The following ILRUN variants were observed in gnomAD, a reference collection of about 807,000 sequenced individuals.
ILRUN encodes inflammation and lipid regulator with UBA-like and NBR1-like domains.
A neutral mutation model predicts 33.8 loss-of-function variants in ILRUN; 3 were observed. The observed-to-expected ratio is 0.09, with a 90% CI of 0.04 to 0.23. ILRUN has a LOEUF of 0.23. Among genes scored for constraint, ILRUN ranks in the 10% least tolerant of loss-of-function variants. ILRUN has a pLI of 1.00. For synonymous variants in ILRUN, 124 were observed against 138.9 expected (o/e 0.89, Z 0.75); for missense variants, 210 against 375.1 (o/e 0.56, Z 3.64).
chr6:34,672,109 CT>C (rs947552266), intron 1 of ILRUN, among the ~76,000 whole-genome samples: 115 of 146,598 alleles, frequency 7.8e-4, no homozygotes, highest in South Asian at 4.5e-3. Flanking sequence ...CTTCCACCCC[CT>C]TTTTTTTTTT....
intron 3 of ILRUN, among the ~76,000 whole-genome samples, chr6:34,630,089 G>A (rs1024989148): frequency 6.6e-6 from 1 of 152,022 alleles, no homozygotes; most frequent in Admixed American, 6.6e-5. Flanking sequence ...GGGTTACTTC[G>A]ACACAAGCAC....
chr6:34,598,905 T>A (rs1484197689), intron 4 of ILRUN, among the ~76,000 whole-genome samples: 2 of 152,196 alleles, frequency 1.3e-5, no homozygotes, highest in Non-Finnish European at 2.9e-5. Context: ...AAGCCCAGAG[T>A]ATCCTGGCAA....
Position 34,587,837 on chromosome 6 carries a change from T to C in ILRUN, c.*2728A>G. ...ACCTCACTCCATGCACACTGACAGA[T>C]TCTTCCCAAGTCTGAACCCCTCTGT... On this transcript the variant is annotated 3_prime_UTR_variant, in exon 5 of 5. Transcript: ENST00000374023. The C allele has an allele frequency of 7.7e-6, 3 of 388,636 alleles. No homozygotes were observed. The highest frequency in any genetic ancestry group is 1.4e-5 in the Non-Finnish European group (3 of 220,078). The allele number at this position is 388,636 out of a possible 1,614,324, so 24.1% of individuals were successfully genotyped here. A position where few individuals can be genotyped will look rare whatever the true frequency, so the allele number is the denominator to read the frequency against.
intron 4 of ILRUN, among the ~76,000 whole-genome samples, chr6:34,599,158 C>G (rs1761459587): frequency 6.6e-6 from 1 of 152,210 alleles, no homozygotes; most frequent in African/African-American, 2.4e-5. Context: ...CCCTGGGTTC[C>G]AGCCTGCAGC....
chr6:34,624,559 C>T (rs551602306), intron 3 of ILRUN, among the ~76,000 whole-genome samples: 1 of 152,020 alleles, frequency 6.6e-6, no homozygotes, highest in East Asian at 1.9e-4. Context: ...ATCTCGAACT[C>T]CTGACCTCAG....
At position 34,688,991 on chromosome 6, in the gene ILRUN, T is replaced by A. The variant is rs181830790; in HGVS notation, c.158+7455A>T. Among the ~76,000 whole-genome samples the A allele has an allele frequency of 2.1e-3, 309 of 149,032 alleles. 1 individual carries two copies. The highest frequency in any genetic ancestry group is 7.2e-3 in the African/African-American group (290 of 40,470). ...AAGAAAAGAAAATATCCAGAATAGG[T>A]ACATACATAGAGACAGAACTCAGAC... On this transcript the variant is annotated intron_variant, in intron 1 of 4. Coordinates refer to ENST00000374023, the MANE Select transcript of ILRUN (RefSeq NM_024294.4).
chr6:34,649,671 C>CAG (rs1439084950), intron 2 of ILRUN, among the ~76,000 whole-genome samples: 1 of 152,150 alleles, frequency 6.6e-6, no homozygotes, highest in African/African-American at 2.4e-5. Flanking sequence ...AGTCTGGAGA[C>CAG]AGTAAGGAAT....
intron 1 of ILRUN, among the ~76,000 whole-genome samples, chr6:34,683,491 T>TATATATACATATATATATACATAG (rs1763443250): frequency 1.1e-5 from 1 of 92,926 alleles, no homozygotes; most frequent in Non-Finnish European, 1.9e-5. Flanking sequence ...TATATACATA[T>TATATATACATATATATATACATAG]ATATATACAT....
chr6:34,592,721 T>G lies in ILRUN; in HGVS notation c.862-2121A>C, dbSNP rs921874460. Among the ~76,000 whole-genome samples, 3 of 152,188 alleles carry G rather than the reference T, an allele frequency of 2.0e-5. No homozygotes were observed. Among genetic ancestry groups the G allele is most frequent in the African/African-American group, 7.2e-5 (3 of 41,452 alleles). On this transcript the variant is annotated intron_variant, in intron 4 of 4. Transcript: ENST00000374023. This position sits in a 1 kb window ranked among gnomAD's most constrained non-coding sequence, Gnocchi z 4.0. Reference sequence around the variant, plus strand: ...ACTTTTACACCAACCTAATAGAACGTAAAGCAGCTTAAAACAAGCTGCCCT... The same window carrying G: ...ACTTTTACACCAACCTAATAGAACGGAAAGCAGCTTAAAACAAGCTGCCCT...
chr6:34,656,060 C>T (rs1181068779), intron 1 of ILRUN, among the ~76,000 whole-genome samples: 1 of 151,780 alleles, frequency 6.6e-6, no homozygotes, highest in African/African-American at 2.4e-5. Context: ...TAGTGAAACC[C>T]GTCTCTACTA....
At chr6:34,691,990 G>A (rs963740445) in intron 1 of ILRUN, among the ~76,000 whole-genome samples, 2 of 152,084 alleles carry the variant, frequency 1.3e-5, no homozygotes, top group Non-Finnish European at 2.9e-5. Flanking sequence ...TTGAGACAGG[G>A]TCTCACTCTG....
At chr6:34,682,859 T>G (rs1763396708) in intron 1 of ILRUN, among the ~76,000 whole-genome samples, 1 of 151,720 alleles carries the variant, frequency 6.6e-6, no homozygotes, top group Non-Finnish European at 1.5e-5. Flanking sequence ...ACACGTGCCC[T>G]CCCTCAAACC....
intron 3 of ILRUN, among the ~76,000 whole-genome samples, chr6:34,625,757 A>G (rs1762111760): frequency 6.6e-6 from 1 of 152,034 alleles, no homozygotes; most frequent in Non-Finnish European, 1.5e-5. Context: ...AATTTGGTAA[A>G]GTTTCCCATA....
chr6:34,673,900 CACAT>C (rs1763170878), intron 1 of ILRUN, among the ~76,000 whole-genome samples: 1 of 120,640 alleles, frequency 8.3e-6, no homozygotes, highest in South Asian at 2.5e-4. Flanking sequence ...CAGTAACAAC[CACAT>C]ACACACACAC....
Position 34,681,943 on chromosome 6 carries a change from C to A in ILRUN, c.158+14503G>T, listed in dbSNP as rs140961266. Among the ~76,000 whole-genome samples, 1,110 of 148,902 alleles carry A rather than the reference C, an allele frequency of 7.5e-3. 21 individuals are homozygous for A. Among genetic ancestry groups the A allele is most frequent in the African/African-American group, 0.026 (1,055 of 40,452 alleles). On this transcript the variant is annotated intron_variant, in intron 1 of 4. Transcript: ENST00000374023. Reference sequence around the variant, plus strand: ...CCTCAGCTCACTGCAACTCTGCCTCCCAGGTTCAAGCGATTCACCTGACTC... The same window carrying A: ...CCTCAGCTCACTGCAACTCTGCCTCACAGGTTCAAGCGATTCACCTGACTC...
intron 1 of ILRUN, among the ~76,000 whole-genome samples, chr6:34,664,222 A>G (rs953661739): frequency 6.6e-6 from 1 of 152,266 alleles, no homozygotes; most frequent in Non-Finnish European, 1.5e-5. Flanking sequence ...CCAAAAACTA[A>G]TATAATGGCT....
In ILRUN at chr6:34,646,735, A is replaced by C; in HGVS notation, c.377T>G (p.Val126Gly). 6.2e-7 allele frequency: 1 copy of C among 1,614,138 alleles called. No homozygotes were observed. The highest frequency in any genetic ancestry group is 8.5e-7 in the Non-Finnish European group (1 of 1,180,030). Residue 126 changes from valine to glycine, a missense_variant, in exon 3 of 5, where the codon GTG becomes GGG. Physicochemically the swap from Val to Gly is moderately radical, Grantham distance 109. Around this residue, in one of 4 missense-constraint regions of ILRUN, gnomAD observed 60 missense variants for 138.1 expected, o/e 0.43. Transcript: ENST00000374023. The surrounding 1 kb of genome is among the most constrained non-coding windows in gnomAD (Gnocchi z 4.9). Reference sequence around the variant, plus strand: ...TAGCGATCTCACCATCACCATGTTCACATGTCCAAATTGGTCTCCCCCGAC... The same window carrying C: ...TAGCGATCTCACCATCACCATGTTCCCATGTCCAAATTGGTCTCCCCCGAC... ...KYVGGDQFGH[V>G]NMVMVRSLEP...
chr6:34,606,658 G>C lies in ILRUN; in HGVS notation c.758C>G (p.Ala253Gly). Reference sequence around the variant, plus strand: ...CTGGTCTTGCTCAGTTTGGTCAGGAGCAGGAGCCCATGTGTCAGGAGCAGG... The same window carrying C: ...CTGGTCTTGCTCAGTTTGGTCAGGACCAGGAGCCCATGTGTCAGGAGCAGG... ...WAPAPDTWAP[A>G]PDQTEQDQNR... The change falls in exon 4 of 5, where the codon GCT becomes GGT. Residue 253 changes from alanine to glycine, a missense_variant. Coordinates refer to ENST00000374023, the MANE Select transcript of ILRUN (RefSeq NM_024294.4). 6.2e-7 allele frequency: 1 copy of C among 1,612,572 alleles called. No individual in the cohort carries two copies. Among genetic ancestry groups the C allele is most frequent in the South Asian group, 1.1e-5 (1 of 91,068 alleles).
chr6:34,671,131 A>G (rs939290788), intron 1 of ILRUN, among the ~76,000 whole-genome samples: 8 of 152,016 alleles, frequency 5.3e-5, no homozygotes, highest in African/African-American at 1.9e-4. Flanking sequence ...GAAAGCACAG[A>G]GGCTGGGGTC....
Sources: allele counts gnomAD v4.1 joint callset (sites outside exome capture counted in the v4.1 genomes callset), GRCh38; gene constraint gnomAD v4.1.1; regional missense constraint gnomAD v4.1.1; non-coding constraint Gnocchi (gnomAD v3.1); transcripts MANE v1.5; gene names NCBI Gene and HGNC (gene_info 2026-07-23, HGNC 2026-07-21).